The following ITPRIP variants were observed in gnomAD, a reference collection of about 807,000 sequenced individuals.
The protein encoded by ITPRIP is inositol 1,4,5-trisphosphate receptor-interacting protein.
A neutral mutation model predicts 35.8 loss-of-function variants in ITPRIP; 32 were observed. The observed-to-expected ratio is 0.89, with a 90% confidence interval of 0.68 to 1.20. The LOEUF is 1.20. Among genes scored for constraint, ITPRIP ranks in the 50% most tolerant of loss-of-function variants. The pLI is 0.00. For synonymous variants in ITPRIP, 358 were observed against 324.0 expected (o/e 1.11, Z -1.13); for missense variants, 653 against 735.6 (o/e 0.89, Z 1.30).
rs1291472371 is a variant in ITPRIP, at chr10:104,313,014, TC to T, written c.*1393del. 1 of 985,286 alleles carries T rather than the reference TC, an allele frequency of 1.0e-6. No homozygotes were observed. The highest frequency in any genetic ancestry group is 1.2e-6 in the Non-Finnish European group (1 of 829,968). The allele number at this position is 985,286 out of a possible 1,614,324, so 61.0% of individuals were successfully genotyped here. On this transcript the variant is annotated 3_prime_UTR_variant, in exon 2 of 2. Coordinates refer to ENST00000337478, the MANE Select transcript of ITPRIP (RefSeq NM_001272013.2). ...ACCAGACCTGGAGACGGAGCCCAGCTCCAACCACAGAGCTTCTGCCAGGCTC... is the reference window on the plus strand; with the variant it reads ...ACCAGACCTGGAGACGGAGCCCAGCTCAACCACAGAGCTTCTGCCAGGCTC...
intron 1 of ITPRIP, among the ~76,000 whole-genome samples, chr10:104,318,360 T>C (rs1288339097): frequency 6.6e-6 from 1 of 151,984 alleles, no homozygotes; most frequent in Non-Finnish European, 1.5e-5. Context: ...AGGAGATAAT[T>C]TGGGGGGTTT....
In ITPRIP at chr10:104,310,964, C is replaced by T. The variant is rs983589453; in HGVS notation, c.*3444G>A. The T allele has an allele frequency of 4.6e-5, 7 of 152,244 alleles. No individual in the cohort carries two copies. The highest frequency in any genetic ancestry group is 1.0e-4 in the Non-Finnish European group (7 of 68,068). 9.4% of individuals were successfully genotyped at this position (152,244 alleles called of 1,614,324 possible). ...CCAGGTGACACCCGTATGTGTAGTG[C>T]AGGGTCACACTTGGAATAGCTCAGT... On this transcript the variant is annotated 3_prime_UTR_variant, in exon 2 of 2. Coordinates refer to ENST00000337478, the MANE Select transcript of ITPRIP (RefSeq NM_001272013.2).
Position 104,312,742 on chromosome 10 carries a change from G to C in ITPRIP, c.*1666C>G. 2.0e-6 allele frequency: 2 copies of C among 985,344 alleles called. No individual in the cohort carries two copies. Among genetic ancestry groups the C allele is most frequent in the Non-Finnish European group, 1.2e-6 (1 of 829,926 alleles). The allele number at this position is 985,344 out of a possible 1,614,324, so 61.0% of individuals were successfully genotyped here. Reference sequence around the variant, plus strand: ...AAGGGTCCATCTTCTCAAGCTTTCTGAGGCTGGTTGAGAGCACTCCTGGGG... The same window carrying C: ...AAGGGTCCATCTTCTCAAGCTTTCTCAGGCTGGTTGAGAGCACTCCTGGGG... On this transcript the variant is annotated 3_prime_UTR_variant, in exon 2 of 2. Coordinates refer to ENST00000337478, the MANE Select transcript of ITPRIP (RefSeq NM_001272013.2).
chr10:104,315,390 C>T lies in ITPRIP; in HGVS notation c.662G>A (p.Arg221His), dbSNP rs567826259. The T allele has an allele frequency of 2.5e-6, 4 of 1,568,998 alleles. No individual in the cohort carries two copies. The highest frequency in any genetic ancestry group is 2.3e-5 in the East Asian group (1 of 44,444). Residue 221 changes from arginine to histidine, a missense_variant, in exon 2 of 2, where the codon CGC (arginine) becomes CAC (histidine). Coordinates refer to ENST00000337478, the MANE Select transcript of ITPRIP (RefSeq NM_001272013.2). This position sits in a 1 kb window ranked among gnomAD's most constrained non-coding sequence, Gnocchi z 5.7. Reference sequence around the variant, plus strand: ...GGAGCACCAGAGCTCTGGGTGGAAGCGGTAGGGCTCGGGGGGTGTGAAGGG... The same window carrying T: ...GGAGCACCAGAGCTCTGGGTGGAAGTGGTAGGGCTCGGGGGGTGTGAAGGG... ...FVPFTPPEPY[R>H]FHPELWCSGR...
In ITPRIP at chr10:104,314,771, C is replaced by A. The variant is rs2135176590; in HGVS notation, c.1281G>T (p.Gly427=). 1 of 1,613,916 alleles carries A rather than the reference C, an allele frequency of 6.2e-7. No homozygotes were observed. The highest frequency in any genetic ancestry group is 1.7e-4 in the Middle Eastern group (1 of 6,060). ...SKQSRLTGPS[G]LSSYHLKTAL... Reference sequence around the variant, plus strand: ...CCGTCTTCAGGTGGTAGCTGCTGAGCCCGCTGGGACCGGTCAGGCGGCTCT... The same window carrying A: ...CCGTCTTCAGGTGGTAGCTGCTGAGACCGCTGGGACCGGTCAGGCGGCTCT... The change falls in exon 2 of 2, where the codon GGG becomes GGT. Residue 427 remains glycine (G), a synonymous_variant. Transcript: ENST00000337478.
Position 104,313,740 on chromosome 10 carries a change from A to G in ITPRIP, c.*668T>C, listed in dbSNP as rs1377399369. On this transcript the variant is annotated 3_prime_UTR_variant, in exon 2 of 2. Coordinates refer to ENST00000337478, the MANE Select transcript of ITPRIP (RefSeq NM_001272013.2). ...TGCAGCTGAGTGAGAAGTGTAGCTG[A>G]AAAAGTGGCTAATTGTGTTTCTCTA... is the stretch of plus-strand genomic sequence containing the variant. The G allele has an allele frequency of 3.0e-6, 3 of 985,414 alleles. No homozygotes were observed. Among genetic ancestry groups the G allele is most frequent in the Non-Finnish European group, 3.6e-6 (3 of 830,024 alleles). The allele number at this position is 985,414 out of a possible 1,614,324, so 61.0% of individuals were successfully genotyped here.
chr10:104,323,175 A>C (rs765503734), intron 1 of ITPRIP, among the ~76,000 whole-genome samples: 55 of 152,174 alleles, frequency 3.6e-4, no homozygotes, highest in Non-Finnish European at 2.1e-4. Flanking sequence ...CCTGGCAGTG[A>C]TTCCAGCACA....
intron 1 of ITPRIP, among the ~76,000 whole-genome samples, chr10:104,319,624 T>C (rs957012747): frequency 2.6e-5 from 4 of 152,096 alleles, no homozygotes; most frequent in African/African-American, 9.7e-5. Context: ...TGGCTCTGTC[T>C]GCAGCACCCT....
At chr10:104,336,882 A>G (rs960449162) in intron 1 of ITPRIP, among the ~76,000 whole-genome samples, 12 of 152,238 alleles carry the variant, frequency 7.9e-5, no homozygotes, top group African/African-American at 2.4e-4. Context: ...ACAGATAGCT[A>G]TAATTTCACA....
rs1416610577 is a variant in ITPRIP, at chr10:104,315,986, C to T, written c.66G>A (p.Leu22=). 1.9e-6 allele frequency: 3 copies of T among 1,612,308 alleles called. No homozygotes were observed. Among genetic ancestry groups the T allele is most frequent in the East Asian group, 2.2e-5 (1 of 44,876 alleles). Residue 22 remains leucine (L), a synonymous_variant, in exon 2 of 2, where the codon CTG becomes CTA. Transcript: ENST00000337478. The surrounding 1 kb of genome is among the most constrained non-coding windows in gnomAD (Gnocchi z 5.7). ...VVTAIINHPL[L]FPRENATVPE... is the part of the protein sequence containing the mutation. ...GGACTGTGGCGTTCTCCCGCGGGAA[C>T]AGCAGCGGGTGGTTGATGATGGCCG...
Position 104,314,490 on chromosome 10 carries a change from T to C in ITPRIP, c.1562A>G (p.Tyr521Cys), listed in dbSNP as rs1255697171. ...CGCTGGGGCATTCTTGAGCATCTCA[T>C]AGAAGGAGTCCAGTGTCTTACGGTA... Reference protein sequence around the residue: ...SLYRKTLDSFYEMLKNAPALI... With the variant: ...SLYRKTLDSFCEMLKNAPALI... The change falls in exon 2 of 2, where the codon TAT (tyrosine) becomes TGT (cysteine). Residue 521 changes from tyrosine to cysteine, a missense_variant. By Grantham distance (194) the Tyr-to-Cys change is radical. Coordinates refer to ENST00000337478, the MANE Select transcript of ITPRIP (RefSeq NM_001272013.2). 5 of 1,614,016 alleles carry C rather than the reference T, an allele frequency of 3.1e-6. No individual in the cohort carries two copies. Among genetic ancestry groups the C allele is most frequent in the East Asian group, 2.2e-5 (1 of 44,896 alleles).
rs1231893545 is a variant in ITPRIP at position 104,314,128 on chromosome 10, A to ATT, written c.*279_*280insAA. ...AGGGTCCACAGCGTGTTCTGCCACCATCTTGGCCATTCATGGTGATCCAGA... is the reference window on the plus strand; with the variant it reads ...AGGGTCCACAGCGTGTTCTGCCACCATTTCTTGGCCATTCATGGTGATCCAGA... On this transcript the variant is annotated 3_prime_UTR_variant, in exon 2 of 2. Transcript: ENST00000337478. 1.6e-6 allele frequency: 2 copies of ATT among 1,226,102 alleles called. No homozygotes were observed. The highest frequency in any genetic ancestry group is 2.0e-6 in the Non-Finnish European group (2 of 979,294). The allele number at this position is 1,226,102 out of a possible 1,614,324, so 76.0% of individuals were successfully genotyped here.
chr10:104,314,407 G>A lies in ITPRIP; in HGVS notation c.*1C>T, dbSNP rs1425402922. 1.2e-5 allele frequency: 20 copies of A among 1,603,552 alleles called. No homozygotes were observed. The highest frequency in any genetic ancestry group is 2.2e-5 in the East Asian group (1 of 44,728). On this transcript the variant is annotated 3_prime_UTR_variant, in exon 2 of 2. Transcript: ENST00000337478. ...GAGGATCCCACATTCTGTAAAAGAC[G>A]TCAGCTTTTTGGGGTAGGCTGGTCT...
chr10:104,330,319 ACTGC>A (rs1211571315), intron 1 of ITPRIP, among the ~76,000 whole-genome samples: 4 of 152,218 alleles, frequency 2.6e-5, no homozygotes, highest in African/African-American at 9.6e-5. Context: ...TGGGAGGGGC[ACTGC>A]AGTCAGAAAA....
chr10:104,324,198 T>G (rs1589891994), intron 1 of ITPRIP, among the ~76,000 whole-genome samples: 1 of 152,148 alleles, frequency 6.6e-6, no homozygotes, highest in East Asian at 1.9e-4. Flanking sequence ...CCTGATTGGC[T>G]CCCATCCTTC....
rs1366202507 is a variant in ITPRIP, at chr10:104,336,647, G to A, written c.-14+1599C>T. Among the ~76,000 whole-genome samples the A allele has an allele frequency of 2.6e-5, 4 of 152,002 alleles. No individual in the cohort carries two copies. The East Asian group carries it at 7.7e-4, about 29-fold the overall frequency. On this transcript the variant is annotated intron_variant, in intron 1 of 1. Transcript: ENST00000337478. ...CTAAGCCTGGAACTCCTGGGTTCAA[G>A]CAATCCTCCCACCTCAGCCTCCCAA...
intron 1 of ITPRIP, among the ~76,000 whole-genome samples, chr10:104,325,998 G>A (rs1054198389): frequency 7.2e-5 from 11 of 152,188 alleles, no homozygotes; most frequent in African/African-American, 2.4e-4. Context: ...CCCTACCACC[G>A]AGCCGGTGGG....
chr10:104,337,421 G>A (rs1000584453), intron 1 of ITPRIP, among the ~76,000 whole-genome samples: 3 of 152,322 alleles, frequency 2.0e-5, no homozygotes, highest in South Asian at 2.1e-4. Context: ...TACCAGCAGA[G>A]GGGCAAAAGG....
At position 104,328,267 on chromosome 10, in the gene ITPRIP, G is replaced by A. The variant is rs2014073246; in HGVS notation, c.-14+9979C>T. The A allele has an allele frequency of 2.0e-6, 2 of 985,398 alleles. No individual in the cohort carries two copies. Among genetic ancestry groups the A allele is most frequent in the African/African-American group, 3.5e-5 (2 of 57,344 alleles). 61.0% of individuals were successfully genotyped at this position (985,398 alleles called of 1,614,324 possible). On this transcript the variant is annotated intron_variant, in intron 1 of 1. Coordinates refer to ENST00000337478, the MANE Select transcript of ITPRIP (RefSeq NM_001272013.2). This position sits in a 1 kb window ranked among gnomAD's most constrained non-coding sequence, Gnocchi z 4.1. Reference sequence around the variant, plus strand: ...CCGTTGTCCTACATTGGCTTGGTCTGGGCTCGTATTCCTCCGAATTTCCCC... The same window carrying A: ...CCGTTGTCCTACATTGGCTTGGTCTAGGCTCGTATTCCTCCGAATTTCCCC...
Sources: gnomAD v4.1 joint callset for allele counts (sites outside exome capture counted in the v4.1 genomes callset) on GRCh38, gnomAD v4.1.1 for gene constraint, Gnocchi (gnomAD v3.1) non-coding constraint, MANE v1.5 for transcripts, NCBI Gene and HGNC (gene_info 2026-07-23, HGNC 2026-07-21) for gene names.